Variants in DDO observed in about 807,000 individuals in gnomAD.
DDO encodes D-aspartate oxidase.
Under a neutral mutation model 16.8 loss-of-function variants are expected in DDO, and 16 were observed. That is an observed-to-expected ratio of 0.95 (90% CI 0.65 to 1.45). DDO has a LOEUF of 1.45. DDO is among the 40% of genes most tolerant of loss of function. DDO has a pLI of 0.00. For synonymous variants in DDO, 180 were observed against 167.2 expected, an observed-to-expected ratio of 1.08 and a Z score of -0.59; for missense variants, 429 against 420.3, an observed-to-expected ratio of 1.02 and a Z score of -0.18.
intron 2 of DDO, among the ~76,000 whole-genome samples, chr6:110,411,948 A>G (rs1238456327): frequency 6.6e-6 from 1 of 152,162 alleles, no homozygotes; most frequent in African/African-American, 2.4e-5. Context: ...ACGCATGGAC[A>G]TGTTCAAAAA....
At chr6:110,409,711 A>T (rs1306227252) in intron 2 of DDO, among the ~76,000 whole-genome samples, 3 of 152,256 alleles carry the variant, frequency 2.0e-5, no homozygotes, top group Non-Finnish European at 4.4e-5. Flanking sequence ...ATAAGGAATA[A>T]ATAAATAATA....
At chr6:110,389,511 C>A (rs1432023169), downstream of DDO, among the ~76,000 whole-genome samples, 1 of 152,230 alleles carries the variant, frequency 6.6e-6, no homozygotes, top group Admixed American at 6.5e-5. Flanking sequence ...CAGCCCATCA[C>A]ACTTACATTT....
chr6:110,394,108 ATT>A (rs35107571), intron 4 of DDO, among the ~76,000 whole-genome samples: 5 of 148,028 alleles, frequency 3.4e-5, no homozygotes, highest in African/African-American at 9.9e-5. Context: ...TCTTCAGAAT[ATT>A]TTTTTTTTTT....
chr6:110,402,278 T>C (rs1242396106), intron 4 of DDO, among the ~76,000 whole-genome samples: 1 of 152,212 alleles, frequency 6.6e-6, no homozygotes, highest in Admixed American at 6.5e-5. Flanking sequence ...GGTCCATAGA[T>C]TATAGTGTTG....
downstream of DDO, among the ~76,000 whole-genome samples, chr6:110,389,788 T>C (rs756662921): frequency 5.9e-5 from 9 of 152,222 alleles, no homozygotes; most frequent in Non-Finnish European, 1.3e-4. Context: ...GTTACAGAAG[T>C]TATTGTTTAT....
At chr6:110,396,220 T>A (rs1007611603) in intron 4 of DDO, among the ~76,000 whole-genome samples, 2 of 152,250 alleles carry the variant, frequency 1.3e-5, no homozygotes, top group African/African-American at 4.8e-5. Flanking sequence ...GTCAAGCTGC[T>A]GGGCAGAGCT....
At chr6:110,399,462 G>A (rs1484681602) in intron 4 of DDO, among the ~76,000 whole-genome samples, 1 of 152,226 alleles carries the variant, frequency 6.6e-6, no homozygotes, top group African/African-American at 2.4e-5. Flanking sequence ...CGTCCCATGT[G>A]GGTCGCCTGG....
intron 4 of DDO, among the ~76,000 whole-genome samples, chr6:110,400,513 C>A (rs1773451450): frequency 6.6e-6 from 1 of 152,184 alleles, no homozygotes; most frequent in African/African-American, 2.4e-5. Context: ...TGCCTCTGCC[C>A]CCTTCTACAG....
At chr6:110,405,063 G>T in intron 3 of DDO, 113 bp from the exon 4 acceptor site, 1 of 1,095,474 alleles carries the variant, frequency 9.1e-7, no homozygotes, top group Non-Finnish European at 1.3e-6. Flanking sequence ...TTGAGACAGA[G>T]TCTCACTCCA....
downstream of DDO, among the ~76,000 whole-genome samples, chr6:110,390,133 C>A (rs1773074827): frequency 1.3e-5 from 2 of 152,134 alleles, no homozygotes; most frequent in Admixed American, 6.5e-5. Flanking sequence ...GACACACTTG[C>A]CTAAGTGAGC....
intron 3 of DDO, among the ~76,000 whole-genome samples, chr6:110,405,488 T>C (rs1465674146): frequency 1.3e-5 from 2 of 152,240 alleles, no homozygotes; most frequent in Non-Finnish European, 2.9e-5. Flanking sequence ...TTTTTAAAGA[T>C]GGAATTTAAT....
At chr6:110,402,901 C>T (rs1011052434) in intron 4 of DDO, among the ~76,000 whole-genome samples, 1 of 152,106 alleles carries the variant, frequency 6.6e-6, no homozygotes, top group Non-Finnish European at 1.5e-5. Flanking sequence ...TCATCTGCCT[C>T]TCCGTGATCT....
chr6:110,413,256 C>G (rs1264575339), intron 2 of DDO, 35 bp downstream of exon 2: 8 of 1,602,642 alleles, frequency 5.0e-6, no homozygotes, highest in Non-Finnish European at 6.8e-6. Flanking sequence ...TATCTGACAT[C>G]TATTGTATCT....
chr6:110,399,250 T>C (rs1773393148), intron 4 of DDO, among the ~76,000 whole-genome samples: 1 of 152,202 alleles, frequency 6.6e-6, no homozygotes, highest in South Asian at 2.1e-4. Context: ...AAGATCTAAT[T>C]TGTAGCACAA....
intron 4 of DDO, among the ~76,000 whole-genome samples, chr6:110,402,115 A>G (rs1773504489): frequency 6.6e-6 from 1 of 152,202 alleles, no homozygotes; most frequent in South Asian, 2.1e-4. Context: ...TGTAAATGTA[A>G]TAAAAGACAA....
At chr6:110,414,920 C>G (rs752660272) in intron 1 of DDO, among the ~76,000 whole-genome samples, 1 of 152,238 alleles carries the variant, frequency 6.6e-6, no homozygotes, top group Non-Finnish European at 1.5e-5. Context: ...GCAGGAAAAA[C>G]GTGGGCTTGG....
chr6:110,397,573 G>A (rs1221958333), intron 4 of DDO, among the ~76,000 whole-genome samples: 2 of 152,148 alleles, frequency 1.3e-5, no homozygotes, highest in East Asian at 3.8e-4. Flanking sequence ...GTTTCCTAGG[G>A]ATAAGAATGC....
intron 4 of DDO, among the ~76,000 whole-genome samples, chr6:110,402,962 T>G (rs1773529398): frequency 6.6e-6 from 1 of 152,128 alleles, no homozygotes; most frequent in South Asian, 2.1e-4. Context: ...TTACTGATCA[T>G]TAAGACAAAA....
rs762221296 is a variant in DDO at position 110,392,437 on chromosome 6, A to G, written c.*338T>C. 87 of 1,030,298 alleles carry G rather than the reference A, an allele frequency of 8.4e-5. No individual in the cohort carries two copies. Among genetic ancestry groups the G allele is most frequent in the Non-Finnish European group, 1.0e-4 (86 of 860,654 alleles). 63.8% of individuals were successfully genotyped at this position (1,030,298 alleles called of 1,614,324 possible). A position where few individuals can be genotyped will look rare whatever the true frequency, so the allele number is the denominator to read the frequency against. On this transcript the variant is annotated 3_prime_UTR_variant, in exon 5 of 5. Coordinates refer to ENST00000368924, the MANE Select transcript of DDO (RefSeq NM_001372108.2). ...TATTTTTAACAAAAAATAGAGCTTT[A>G]TGCCCTATGCCATTAATGCTGGACT... is the stretch of plus-strand genomic sequence containing the variant.
Sources: gnomAD v4.1 joint callset for allele counts (sites outside exome capture counted in the v4.1 genomes callset) on GRCh38, gnomAD v4.1.1 for gene constraint, MANE v1.5 for transcripts, NCBI Gene and HGNC (gene_info 2026-07-23, HGNC 2026-07-21) for gene names.